BAHD1: variants seen among roughly 807,000 people sequenced by gnomAD.
BAHD1 encodes bromo adjacent homology domain containing 1.
A neutral mutation model predicts 63.1 loss-of-function variants in BAHD1; 20 were observed. That is an observed-to-expected ratio of 0.32 (90% CI 0.22 to 0.46). BAHD1 has a LOEUF of 0.46. Among genes scored for constraint, BAHD1 ranks in the 20% least tolerant of loss-of-function variants. BAHD1 has a pLI of 1.00. For missense variants in BAHD1, 939 were observed against 1,071.8 expected (o/e 0.88, Z 1.73); for synonymous variants, 408 against 426.8 (o/e 0.96, Z 0.54).
Position 40,459,824 on chromosome 15 carries a change from G to A in BAHD1, c.1360G>A (p.Val454Met). The A allele has an allele frequency of 5.6e-6, 9 of 1,612,146 alleles. No homozygotes were observed. Among genetic ancestry groups the A allele is most frequent in the Non-Finnish European group, 7.6e-6 (9 of 1,179,254 alleles). Residue 454 changes from valine to methionine, a missense_variant, in exon 2 of 7, where the codon GTG becomes ATG. By Grantham distance (21) the Val-to-Met change is conservative. Coordinates refer to ENST00000416165, the MANE Select transcript of BAHD1 (RefSeq NM_014952.5). Reference protein sequence around the residue: ...TGVNGYSICGVLPLSVTHAGT... With the variant: ...TGVNGYSICGMLPLSVTHAGT... ...AGTGAATGGCTACAGCATCTGCGGA[G>A]TGTTGCCCCTGTCTGTTACCCACGC...
Position 40,459,903 on chromosome 15 carries a change from C to A in BAHD1, c.1432+7C>A. The A allele has an allele frequency of 6.4e-7, 1 of 1,567,358 alleles. No individual in the cohort carries two copies. Among genetic ancestry groups the A allele is most frequent in the Non-Finnish European group, 8.6e-7 (1 of 1,156,588 alleles). ...AAAATGCCTTTTGCAGCAGGTGAGG[C>A]TTCCTGGGCCCAAGATGTACTGGGG... On this transcript the variant is annotated splice_region_variant and intron_variant, in intron 2 of 6. Transcript: ENST00000416165.
At chr15:40,456,599 A>G (rs553902618) in intron 1 of BAHD1, among the ~76,000 whole-genome samples, 14 of 152,314 alleles carry the variant, frequency 9.2e-5, no homozygotes, top group African/African-American at 2.4e-4. Flanking sequence ...TTAATGCAGC[A>G]TATCTCTGGA....
chr15:40,462,207 GCGCCCA>G lies in BAHD1; in HGVS notation c.1734_1739del (p.Pro580_Arg581del). 1.2e-6 allele frequency: 2 copies of G among 1,612,324 alleles called. No individual in the cohort carries two copies. Among genetic ancestry groups the G allele is most frequent in the Non-Finnish European group, 1.7e-6 (2 of 1,179,688 alleles). Reference sequence around the variant, plus strand: ...GCCACCCCAAGCAGCCACGTGTCCAGCGCCCACGCCCTCGCCGCCGCCGTCGCCGCC... The same window carrying G: ...GCCACCCCAAGCAGCCACGTGTCCAGCGCCCTCGCCGCCGCCGTCGCCGCC... On this transcript the variant is annotated inframe_deletion, in exon 3 of 7. Transcript: ENST00000416165.
At chr15:40,447,607 T>TAA (rs1555408581) in intron 1 of BAHD1, among the ~76,000 whole-genome samples, 3 of 136,960 alleles carry the variant, frequency 2.2e-5, no homozygotes, top group Non-Finnish European at 4.8e-5. Context: ...AATAAATAAA[T>TAA]AAATAAAAAT....
rs559595268 is a variant in BAHD1, at chr15:40,460,209, C to T, written c.1432+313C>T. ...TCTCTTCTCTCCTCATTGGGATACC[C>T]GTTCTTAGACTCTGAAGAGCAGGTT... On this transcript the variant is annotated intron_variant, in intron 2 of 6. Transcript: ENST00000416165. 5.3e-5 allele frequency among the ~76,000 whole-genome samples: 8 copies of T among 152,264 alleles called. No individual in the cohort carries two copies. The South Asian group carries it at 1.0e-3, about 20-fold the overall frequency.
chr15:40,438,970 G>A (rs563278748), upstream of BAHD1, among the ~76,000 whole-genome samples: 11 of 152,206 alleles, frequency 7.2e-5, no homozygotes, highest in African/African-American at 1.4e-4. Flanking sequence ...AATCTCTGAC[G>A]AGTGGGGGCC....
chr15:40,443,253 A>G (rs1893452191), intron 1 of BAHD1: 1 of 985,202 alleles, frequency 1.0e-6, no homozygotes, highest in African/African-American at 1.7e-5. Context: ...GAGTTTATTC[A>G]TGGCCACCCC....
intron 1 of BAHD1, among the ~76,000 whole-genome samples, chr15:40,444,880 T>G (rs1893493225): frequency 1.3e-5 from 2 of 152,140 alleles, no homozygotes; most frequent in African/African-American, 2.4e-5. Flanking sequence ...AGTTTGATGA[T>G]TAATGGACCA....
At chr15:40,440,211 G>A (rs774389507), upstream of BAHD1, among the ~76,000 whole-genome samples, 2 of 151,996 alleles carry the variant, frequency 1.3e-5, no homozygotes, top group South Asian at 4.1e-4. Flanking sequence ...GGGGGCGGTA[G>A]GTGAAGGGCA....
rs769616736 is a variant in BAHD1, at chr15:40,466,175, C to T, written c.*45C>T. ...GGGCTACCCATGGGCAAGTGGGGCT[C>T]GGGGTAGGGGGCACTGCTTGAAGCA... On this transcript the variant is annotated 3_prime_UTR_variant, in exon 7 of 7. Coordinates refer to ENST00000416165, the MANE Select transcript of BAHD1 (RefSeq NM_014952.5). 6.7e-5 allele frequency: 104 copies of T among 1,544,972 alleles called. No homozygotes were observed. Among genetic ancestry groups the T allele is most frequent in the South Asian group, 2.0e-4 (17 of 86,076 alleles).
intron 1 of BAHD1, among the ~76,000 whole-genome samples, chr15:40,443,689 GTGT>G (rs1371994026): frequency 6.6e-6 from 1 of 152,084 alleles, no homozygotes; most frequent in Non-Finnish European, 1.5e-5. Context: ...TGTCAGGCCT[GTGT>G]TGTTGTTATA....
Position 40,462,270 on chromosome 15 carries a change from G to A in BAHD1, c.1791G>A (p.Ala597=), listed in dbSNP as rs779258465. Residue 597 remains alanine (A), a synonymous_variant, in exon 3 of 7, where the codon GCG becomes GCA. Coordinates refer to ENST00000416165, the MANE Select transcript of BAHD1 (RefSeq NM_014952.5). ...RTNGWVPVGA[A]CEKAVYVLDE... is the part of the protein sequence containing the mutation. ...ATGGCTGGGTACCTGTTGGGGCTGC[G>A]TGTGAGAAGGCTGTGTATGTCTTGG... The A allele has an allele frequency of 3.6e-5, 58 of 1,609,034 alleles. No individual in the cohort carries two copies. The highest frequency in any genetic ancestry group is 1.2e-4 in the South Asian group (11 of 90,696).
upstream of BAHD1, among the ~76,000 whole-genome samples, chr15:40,439,259 T>C (rs2141454081): frequency 6.6e-6 from 1 of 152,326 alleles, no homozygotes; most frequent in South Asian, 2.1e-4. Context: ...TCACACACTT[T>C]CCCTGCTGAG....
At chr15:40,437,794 C>T (rs746598840), upstream of BAHD1, among the ~76,000 whole-genome samples, 41 of 152,114 alleles carry the variant, frequency 2.7e-4, no homozygotes, top group Non-Finnish European at 4.1e-4. Flanking sequence ...GGGACTGCAG[C>T]GGGCAGTGGC....
At chr15:40,440,576 G>A (rs1217783742), upstream of BAHD1, among the ~76,000 whole-genome samples, 1 of 148,144 alleles carries the variant, frequency 6.8e-6, no homozygotes, top group South Asian at 2.2e-4. Context: ...GATTTTTCCG[G>A]GGGGGCTAGC....
At chr15:40,446,553 TC>T (rs1441939725) in intron 1 of BAHD1, among the ~76,000 whole-genome samples, 2 of 152,136 alleles carry the variant, frequency 1.3e-5, no homozygotes, top group Non-Finnish European at 2.9e-5. Context: ...TCTTTTAAGA[TC>T]CTCTGCAGGC....
intron 2 of BAHD1, 44 bp from the exon 3 acceptor site, chr15:40,461,868 G>A: frequency 6.5e-7 from 1 of 1,527,824 alleles, no homozygotes; most frequent in South Asian, 1.3e-5. Context: ...TGGGTGATGG[G>A]GGTCACTGCT....
intron 1 of BAHD1, among the ~76,000 whole-genome samples, chr15:40,443,559 G>A (rs1305070303): frequency 5.9e-5 from 9 of 152,178 alleles, no homozygotes; most frequent in Non-Finnish European, 1.0e-4. Context: ...TACCTGGCAG[G>A]AGACTCATGC....
chr15:40,438,771 C>T (rs866778903), upstream of BAHD1, among the ~76,000 whole-genome samples: 1 of 152,236 alleles, frequency 6.6e-6, no homozygotes, highest in African/African-American at 2.4e-5. Flanking sequence ...CCACTTAGGT[C>T]TCCTTCCCTG....
Sources: allele counts gnomAD v4.1 joint callset (sites outside exome capture counted in the v4.1 genomes callset), GRCh38; gene constraint gnomAD v4.1.1; transcripts MANE v1.5; gene names NCBI Gene and HGNC (gene_info 2026-07-23, HGNC 2026-07-21).